The following EPHA7 variants were observed in gnomAD, a reference collection of about 807,000 sequenced individuals.
EPHA7 encodes EPH receptor A7, also known as ephrin type-A receptor 7.
EPHA7 carries 25 observed loss-of-function variants against 112.6 expected under a neutral mutation model. That is an observed-to-expected ratio of 0.22 (90% CI 0.16 to 0.31). EPHA7 has a LOEUF of 0.31. Ranked by LOEUF, EPHA7 falls within the 10% of genes least tolerant of loss-of-function variation. The pLI, the probability that EPHA7 is intolerant of heterozygous loss-of-function variation, is 1.00. For missense variants in EPHA7, 962 were observed against 1,212.6 expected (o/e 0.79, Z 3.07); for synonymous variants, 437 against 406.5 (o/e 1.07, Z -0.90).
intron 5 of EPHA7, among the ~76,000 whole-genome samples, chr6:93,325,452 T>C (rs1463995332): frequency 2.0e-5 from 3 of 151,264 alleles, no homozygotes; most frequent in African/African-American, 7.3e-5. Flanking sequence ...TCTTCTATGA[T>C]CAATTGTCTA....
At chr6:93,359,304 T>C (rs1776119003) in intron 3 of EPHA7, among the ~76,000 whole-genome samples, 1 of 151,886 alleles carries the variant, frequency 6.6e-6, no homozygotes, top group South Asian at 2.1e-4. Flanking sequence ...TTCATATATT[T>C]ATATTTATTT....
chr6:93,289,091 T>C (rs554109913), intron 5 of EPHA7, among the ~76,000 whole-genome samples: 1 of 152,238 alleles, frequency 6.6e-6, no homozygotes, highest in South Asian at 2.1e-4. Flanking sequence ...AGGAAGCTTT[T>C]TTTCCCCCCA....
At chr6:93,342,300 A>C (rs1582556052) in intron 5 of EPHA7, among the ~76,000 whole-genome samples, 1 of 87,610 alleles carries the variant, frequency 1.1e-5, no homozygotes, top group East Asian at 1.1e-3. Context: ...ACCATAAGAC[A>C]AAAAAGTAGA....
At position 93,241,682 on chromosome 6, in the gene EPHA7, C is replaced by T. The variant is rs1014534220; in HGVS notation, c.*1744G>A. On this transcript the variant is annotated 3_prime_UTR_variant, in exon 17 of 17. Transcript: ENST00000369303. ...CAATCCATTTGAGTTTTTCTATAGCCGTCTTTGGTCCTAAATGTGGGAAAA... is the reference window on the plus strand; with the variant it reads ...CAATCCATTTGAGTTTTTCTATAGCTGTCTTTGGTCCTAAATGTGGGAAAA... 4 of 223,350 alleles carry T rather than the reference C, an allele frequency of 1.8e-5. No homozygotes were observed. The highest frequency in any genetic ancestry group is 6.5e-5 in the East Asian group (1 of 15,352). 13.8% of individuals were successfully genotyped at this position (223,350 alleles called of 1,614,324 possible). A position where few individuals can be genotyped will look rare whatever the true frequency, so the allele number is the denominator to read the frequency against.
intron 5 of EPHA7, among the ~76,000 whole-genome samples, chr6:93,285,769 C>A (rs1239633938): frequency 6.6e-6 from 1 of 152,150 alleles, no homozygotes; most frequent in African/African-American, 2.4e-5. Flanking sequence ...TAAATAATCT[C>A]CAGCCAGCAA....
chr6:93,262,835 A>T lies in EPHA7; in HGVS notation c.1798+1025T>A, dbSNP rs190371251. Among the ~76,000 whole-genome samples the T allele has an allele frequency of 3.3e-3, 487 of 149,162 alleles. 1 individual carries two copies. Among genetic ancestry groups the T allele is most frequent in the Non-Finnish European group, 5.8e-3 (392 of 67,074 alleles). On this transcript the variant is annotated intron_variant, in intron 9 of 16. Transcript: ENST00000369303. ...ACATTGTCATTTGAGCTTTTTTATT[A>T]AAAAAAAAGTATCACAAAGAAAATC... is the stretch of plus-strand genomic sequence containing the variant.
chr6:93,256,000 C>T lies in EPHA7; in HGVS notation c.2210G>A (p.Gly737Glu), dbSNP rs1327213322. 1 of 1,613,916 alleles carries T rather than the reference C, an allele frequency of 6.2e-7. No individual in the cohort carries two copies. The highest frequency in any genetic ancestry group is 8.5e-7 in the Non-Finnish European group (1 of 1,180,000). The change falls in exon 13 of 17, where the codon GGA becomes GAA. Residue 737 changes from glycine to glutamate, a missense_variant. This residue lies in a region of EPHA7 where 746 missense variants were observed against 889.2 expected (regional missense o/e 0.84). Transcript: ENST00000369303. Reference protein sequence around the residue: ...DGQFTVIQLVGMLRGIAAGMR... With the variant: ...DGQFTVIQLVEMLRGIAAGMR... ...TCCAGCAGCAATTCCTCTCAGCATT[C>T]CTACTAACTGAATGACTGTAAATTG...
intron 2 of EPHA7, among the ~76,000 whole-genome samples, chr6:93,413,649 T>C (rs1005374103): frequency 9.9e-5 from 15 of 152,048 alleles, no homozygotes; most frequent in African/African-American, 3.4e-4. Flanking sequence ...TGATTTATAA[T>C]TTATCATAAC....
intron 7 of EPHA7, 32 bp downstream of exon 7, chr6:93,269,444 GA>G: frequency 6.3e-7 from 1 of 1,587,300 alleles, no homozygotes. Context: ...TAGAGTTATT[GA>G]GAGTAGGAAT....
intron 5 of EPHA7, among the ~76,000 whole-genome samples, chr6:93,343,741 T>C (rs538759786): frequency 4.0e-5 from 6 of 151,780 alleles, no homozygotes; most frequent in Non-Finnish European, 5.9e-5. Context: ...CATTCATCCA[T>C]TTCATCCTTG....
At chr6:93,259,308 C>A (rs1387833056) in intron 10 of EPHA7, 46 bp downstream of exon 10, 26 of 1,605,474 alleles carry the variant, frequency 1.6e-5, no homozygotes, top group Non-Finnish European at 1.9e-5. Context: ...GACTTTCGAT[C>A]TTGGCTAAAT....
At chr6:93,264,040 C>A in intron 8 of EPHA7, 125 bp from the exon 9 acceptor site, 12 of 566,426 alleles carry the variant, frequency 2.1e-5, no homozygotes, top group Non-Finnish European at 3.5e-5. Flanking sequence ...GTTATGAATC[C>A]ATTTAGTAAT....
intron 5 of EPHA7, 129 bp downstream of exon 5, chr6:93,356,588 A>T: frequency 2.4e-6 from 2 of 826,786 alleles, no homozygotes; most frequent in Non-Finnish European, 3.8e-6. Context: ...AGGAAAAGTT[A>T]AAGCTGTAAA....
chr6:93,360,661 A>G (rs1418388014), intron 3 of EPHA7, among the ~76,000 whole-genome samples: 1 of 152,132 alleles, frequency 6.6e-6, no homozygotes, highest in Admixed American at 6.6e-5. Context: ...TCCTTGCTCA[A>G]CTTACATGAT....
chr6:93,262,127 A>G (rs1770713629), intron 9 of EPHA7, among the ~76,000 whole-genome samples: 2 of 151,538 alleles, frequency 1.3e-5, no homozygotes, highest in Admixed American at 6.6e-5. Flanking sequence ...TTACTCTTCT[A>G]TATACATTCT....
intron 5 of EPHA7, among the ~76,000 whole-genome samples, chr6:93,351,774 A>AG (rs1387722945): frequency 9.9e-5 from 15 of 152,056 alleles, no homozygotes; most frequent in African/African-American, 3.6e-4. Flanking sequence ...AAAAAGTACC[A>AG]GGAACATAGT....
In EPHA7 at chr6:93,356,815, G is replaced by C. The variant is rs1418489484; in HGVS notation, c.1226C>G (p.Ala409Gly). Residue 409 changes from alanine (A) to glycine (G), a missense_variant, in exon 5 of 17, where the codon GCT becomes GGT. Physicochemically the swap from Ala to Gly is moderately conservative, Grantham distance 60. This residue lies in a region of EPHA7 where 746 missense variants were observed against 889.2 expected (regional missense o/e 0.84). Transcript: ENST00000369303. ...AGCTTCAACTTCAAAAGTATAATTA[G>C]CGTGGGCTAGCAGGTCCATGACAGT... The part of the protein sequence containing the change: ...YVTVMDLLAH[A>G]NYTFEVEAVN... 9 of 1,614,046 alleles carry C rather than the reference G, an allele frequency of 5.6e-6. No individual in the cohort carries two copies. The highest frequency in any genetic ancestry group is 1.3e-5 in the African/African-American group (1 of 74,938).
rs2127843238 is a variant in EPHA7, at chr6:93,242,200, A to G, written c.*1226T>C. The G allele has an allele frequency of 5.1e-6, 1 of 195,146 alleles. No individual in the cohort carries two copies. The highest frequency in any genetic ancestry group is 8.1e-5 in the East Asian group (1 of 12,406). 12.1% of individuals were successfully genotyped at this position (195,146 alleles called of 1,614,324 possible). ...ATCCTTCACCTCTTCCTTCTAGGGT[A>G]AAGAGTCCTTTCATTTAACAAGTTT... On this transcript the variant is annotated 3_prime_UTR_variant, in exon 17 of 17. Transcript: ENST00000369303.
intron 14 of EPHA7, among the ~76,000 whole-genome samples, chr6:93,248,669 T>G (rs1199556698): frequency 1.8e-5 from 2 of 109,974 alleles, no homozygotes; most frequent in African/African-American, 2.9e-5. Flanking sequence ...CTCTCTCTTT[T>G]TAAAAACAAA....
Sources: allele counts gnomAD v4.1 joint callset (sites outside exome capture counted in the v4.1 genomes callset), GRCh38; gene constraint gnomAD v4.1.1; regional missense constraint gnomAD v4.1.1; transcripts MANE v1.5; gene names NCBI Gene and HGNC (gene_info 2026-07-23, HGNC 2026-07-21).